Variants in FANCD2 observed in about 807,000 individuals in gnomAD.
FANCD2 encodes Fanconi anemia group D2 protein.
FANCD2 carries 131 observed loss-of-function variants against 192.3 expected under a neutral mutation model. The ratio of observed to expected loss-of-function variants is 0.68; its 90% confidence interval spans 0.59 to 0.79. The LOEUF (loss-of-function observed/expected upper bound fraction) is 0.79. Ranked by LOEUF, FANCD2 falls within the 30% of genes least tolerant of loss-of-function variation. The probability of loss-of-function intolerance (pLI) is 0.00; values close to 1 mark genes in which losing one functional copy is unlikely to be tolerated. For missense variants in FANCD2, 1,508 were observed against 1,701.6 expected (o/e 0.89, Z 2.00); for synonymous variants, 524 against 612.5 (o/e 0.86, Z 2.13).
intron 32 of FANCD2, among the ~76,000 whole-genome samples, chr3:10,084,463 C>G (rs1694057015): frequency 1.3e-5 from 2 of 149,122 alleles, no homozygotes; most frequent in African/African-American, 4.9e-5. Flanking sequence ...CTGATTTTTC[C>G]TTTTTTTTTT....
At position 10,034,222 on chromosome 3, in the gene FANCD2, G is replaced by C. The variant is rs553363014; in HGVS notation, c.206-247G>C. Among the ~76,000 whole-genome samples the C allele has an allele frequency of 3.3e-5, 5 of 151,002 alleles. No individual in the cohort carries two copies. The South Asian group carries it at 1.1e-3, about 32-fold the overall frequency. On this transcript the variant is annotated intron_variant, in intron 3 of 43. Coordinates refer to ENST00000675286, the MANE Select transcript of FANCD2 (RefSeq NM_001018115.3). Reference sequence around the variant, plus strand: ...GTCTGTAGTCCCAGCTACTTGGGGGGGCTGAGGCAGGAGAATCATTTGAAC... The same window carrying C: ...GTCTGTAGTCCCAGCTACTTGGGGGCGCTGAGGCAGGAGAATCATTTGAAC...
intron 11 of FANCD2, 83 bp from the exon 12 acceptor site, chr3:10,042,967 G>A (rs531580849): frequency 1.6e-6 from 2 of 1,224,954 alleles, no homozygotes; most frequent in Admixed American, 3.5e-5. Flanking sequence ...AGTCTTTCAG[G>A]AGATTGTCAT....
intron 14 of FANCD2, 24 bp from the exon 15 acceptor site, chr3:10,046,553 CTGT>C (rs1341512911): frequency 1.8e-5 from 29 of 1,613,924 alleles, no homozygotes; most frequent in Non-Finnish European, 2.4e-5. Context: ...AACTGTTTTT[CTGT>C]TGTTGCATAT....
rs1695295290 is a variant in FANCD2, at chr3:10,101,420, G to A, written c.*158G>A. 6 of 568,610 alleles carry A rather than the reference G, an allele frequency of 1.1e-5. No homozygotes were observed. Among genetic ancestry groups the A allele is most frequent in the African/African-American group, 4.4e-5 (2 of 45,516 alleles). 35.2% of individuals were successfully genotyped at this position (568,610 alleles called of 1,614,324 possible). On this transcript the variant is annotated 3_prime_UTR_variant, in exon 44 of 44. Transcript: ENST00000675286. Reference sequence around the variant, plus strand: ...TTTTTTTTAAAGACGGGGACTCGCTGTGTTTCCCAGGCTGGAGTGCAGTGC... The same window carrying A: ...TTTTTTTTAAAGACGGGGACTCGCTATGTTTCCCAGGCTGGAGTGCAGTGC...
At chr3:10,100,121 G>A (rs992509125) in intron 43 of FANCD2, among the ~76,000 whole-genome samples, 1 of 152,174 alleles carries the variant, frequency 6.6e-6, no homozygotes, top group Admixed American at 6.5e-5. Flanking sequence ...CCAGGAGGTG[G>A]AGGCTGCAGT....
chr3:10,070,305 G>A (rs955013216), intron 26 of FANCD2, among the ~76,000 whole-genome samples: 2 of 149,486 alleles, frequency 1.3e-5, no homozygotes, highest in African/African-American at 4.9e-5. Context: ...TCTCCGCCCG[G>A]CAGCCACCCC....
chr3:10,076,284 C>CT (rs58896767), intron 29 of FANCD2, among the ~76,000 whole-genome samples: 4,269 of 144,804 alleles, frequency 0.029, 207 homozygotes, highest in African/African-American at 0.1. Flanking sequence ...TTGAATTAGT[C>CT]TTTTTTTTTT....
intron 18 of FANCD2, among the ~76,000 whole-genome samples, chr3:10,053,569 T>A (rs1008198994): frequency 8.2e-4 from 125 of 151,736 alleles, no homozygotes; most frequent in Non-Finnish European, 1.0e-3. Context: ...TTAAAAAAAA[T>A]TTTTTTGTAT....
At position 10,073,310 on chromosome 3, in the gene FANCD2, A is replaced by G; in HGVS notation, c.2663A>G (p.Glu888Gly). ...KTSSSDTLSE[E>G]KNSECDPTPS... is the part of the protein sequence containing the mutation. ...TCCTCCTCTGACACACTTTCAGAAGAGAAAAATTCAGAATGTGACCCTACG... is the reference window on the plus strand; with the variant it reads ...TCCTCCTCTGACACACTTTCAGAAGGGAAAAATTCAGAATGTGACCCTACG... Residue 888 changes from glutamate (E) to glycine (G), a missense_variant, in exon 28 of 44, where the codon GAG becomes GGG. Physicochemically the swap from Glu to Gly is moderately conservative, Grantham distance 98. This residue lies in a region of FANCD2 where 796 missense variants were observed against 879.4 expected (regional missense o/e 0.91). Coordinates refer to ENST00000675286, the MANE Select transcript of FANCD2 (RefSeq NM_001018115.3). The G allele has an allele frequency of 1.2e-6, 2 of 1,614,094 alleles. No individual in the cohort carries two copies. The highest frequency in any genetic ancestry group is 1.7e-6 in the Non-Finnish European group (2 of 1,179,948).
chr3:10,062,766 G>A (rs1308092883), intron 20 of FANCD2, among the ~76,000 whole-genome samples: 2 of 151,448 alleles, frequency 1.3e-5, no homozygotes, highest in Admixed American at 6.6e-5. Flanking sequence ...GCTGGAGTGC[G>A]GTGGTGCTTC....
chr3:10,045,063 G>C (rs1384975124), intron 14 of FANCD2, among the ~76,000 whole-genome samples: 1 of 122,262 alleles, frequency 8.2e-6, no homozygotes, highest in Non-Finnish European at 1.7e-5. Flanking sequence ...GTTTTTTCTT[G>C]TTTGTCCTGC....
chr3:10,074,477 C>T lies in FANCD2; in HGVS notation c.2716-53C>T, dbSNP rs1012932470. 109 of 1,485,092 alleles carry T rather than the reference C, an allele frequency of 7.3e-5. 2 individuals carry two copies. In the Middle Eastern group the frequency reaches 1.0e-3, roughly 14 times the overall value. 92.0% of individuals were successfully genotyped at this position (1,485,092 alleles called of 1,614,324 possible). On this transcript the variant is annotated intron_variant, in intron 28 of 43. Coordinates refer to ENST00000675286, the MANE Select transcript of FANCD2 (RefSeq NM_001018115.3). ...GTACTTTGAAGTTTTTATTAAAATT[C>T]GATTAATATAGAAGATTTATATATT... is the stretch of plus-strand genomic sequence containing the variant.
chr3:10,048,009 A>C lies in FANCD2; in HGVS notation c.1371A>C (p.Leu457=). ...GTATAATTTCATTTGGCAGTCTCCT[A>C]TACAAATATGCATTTAAGTTTTTTG... ...DQSIISFGSL[L]YKYAFKFFDT... is the part of the protein sequence containing the mutation. The change falls in exon 16 of 44, where the codon CTA becomes CTC. Residue 457 remains leucine, a synonymous_variant. Coordinates refer to ENST00000675286, the MANE Select transcript of FANCD2 (RefSeq NM_001018115.3). 1.2e-6 allele frequency: 2 copies of C among 1,614,250 alleles called. No homozygotes were observed. The highest frequency in any genetic ancestry group is 1.7e-6 in the Non-Finnish European group (2 of 1,180,058).
chr3:10,092,684 C>CT (rs565351425), intron 38 of FANCD2, among the ~76,000 whole-genome samples: 1,372 of 72,056 alleles, frequency 0.019, 170 homozygotes, highest in Non-Finnish European at 0.025. Flanking sequence ...TCTTTCATGT[C>CT]TTTTTTTTTT....
At position 10,078,098 on chromosome 3, in the gene FANCD2, A is replaced by C; in HGVS notation, c.2877A>C (p.Gln959His). The C allele has an allele frequency of 1.2e-6, 2 of 1,613,326 alleles. No individual in the cohort carries two copies. The highest frequency in any genetic ancestry group is 1.7e-6 in the Non-Finnish European group (2 of 1,179,358). ...EMHTEATEVV[Q>H]LGPPELLFLL... is the part of the protein sequence containing the mutation. Reference sequence around the variant, plus strand: ...TGTGACAGGCTACAGAAGTTGTGCAACTTGGGCCCCCTGAGCTGCTTTTCT... The same window carrying C: ...TGTGACAGGCTACAGAAGTTGTGCACCTTGGGCCCCCTGAGCTGCTTTTCT... Residue 959 changes from glutamine to histidine, a missense_variant, in exon 30 of 44, where the codon CAA (glutamine) becomes CAC (histidine). By Grantham distance (24) the Gln-to-His change is conservative. Around this residue, in one of 5 missense-constraint regions of FANCD2, gnomAD observed 796 missense variants for 879.4 expected, o/e 0.91. Coordinates refer to ENST00000675286, the MANE Select transcript of FANCD2 (RefSeq NM_001018115.3).
In FANCD2 at chr3:10,072,523, C is replaced by T. The variant is rs370172046; in HGVS notation, c.2495-348C>T. ...CAAACTCCTGACCTCAGGTGATCCG[C>T]GCGCCTTGACCTCCCAAAGTGCTTG... On this transcript the variant is annotated intron_variant, in intron 26 of 43. Coordinates refer to ENST00000675286, the MANE Select transcript of FANCD2 (RefSeq NM_001018115.3). Among the ~76,000 whole-genome samples, 16 of 152,330 alleles carry T rather than the reference C, an allele frequency of 1.1e-4. 1 individual carries two copies. The East Asian group carries it at 1.2e-3, about 11-fold the overall frequency.
chr3:10,091,195 G>A lies in FANCD2; in HGVS notation c.3777+810G>A, dbSNP rs1475827610. Among the ~76,000 whole-genome samples, 9 of 144,036 alleles carry A rather than the reference G, an allele frequency of 6.2e-5. No individual in the cohort carries two copies. In the South Asian group the frequency reaches 1.5e-3, roughly 24 times the overall value. 94.5% of individuals were successfully genotyped at this position (144,036 alleles called of 152,430 possible). A position where few individuals can be genotyped will look rare whatever the true frequency, so the allele number is the denominator to read the frequency against. ...TTCTGGGCTCAGATGATCCTCCCACGTCAGCCTCCCAAATAGCTGGGACCA... is the reference window on the plus strand; with the variant it reads ...TTCTGGGCTCAGATGATCCTCCCACATCAGCCTCCCAAATAGCTGGGACCA... On this transcript the variant is annotated intron_variant, in intron 37 of 43. Coordinates refer to ENST00000675286, the MANE Select transcript of FANCD2 (RefSeq NM_001018115.3).
intron 9 of FANCD2, chr3:10,040,716 A>T (rs1033164671): frequency 3.9e-5 from 14 of 361,078 alleles, no homozygotes; most frequent in East Asian, 1.5e-4. Flanking sequence ...TATTTTTTTT[A>T]AATTCAGTTT....
chr3:10,070,393 C>CG (rs2125044012), intron 26 of FANCD2, among the ~76,000 whole-genome samples: 1 of 143,068 alleles, frequency 7.0e-6, no homozygotes, highest in South Asian at 2.3e-4. Flanking sequence ...GTCAGCCCCC[C>CG]GCCCGGCCAG....
Sources: gnomAD v4.1 joint callset for allele counts (sites outside exome capture counted in the v4.1 genomes callset) on GRCh38, gnomAD v4.1.1 for gene constraint, gnomAD v4.1.1 regional missense constraint, MANE v1.5 for transcripts, NCBI Gene and HGNC (gene_info 2026-07-23, HGNC 2026-07-21) for gene names.